The following TUSC3 variants were observed in gnomAD, a reference collection of about 807,000 sequenced individuals.
TUSC3 encodes the protein tumor suppressor candidate 3, also known as dolichyl-diphosphooligosaccharide--protein glycosyltransferase subunit TUSC3.
TUSC3 carries 45 observed loss-of-function variants against 44.8 expected under a neutral mutation model. That is an observed-to-expected ratio of 1.00 (90% confidence interval 0.79 to 1.29). TUSC3 has a LOEUF of 1.29. Ranked by LOEUF, TUSC3 falls within the 50% of genes most tolerant of loss-of-function variation. The pLI is 0.00. For synonymous variants in TUSC3, 212 were observed against 152.9 expected, an observed-to-expected ratio of 1.39 and a Z score of -2.85; for missense variants, 519 against 437.9, an observed-to-expected ratio of 1.19 and a Z score of -1.65.
chr8:15,849,548 G>C, the TUSC3 span, among the ~76,000 whole-genome samples: 4 of 152,158 alleles, frequency 2.6e-5, no homozygotes, highest in Non-Finnish European at 4.4e-5. Flanking sequence ...CCAACTTAAA[G>C]AAAGCCACCA....
At chr8:15,514,661 T>A (rs1801190385) in intron 2 of TUSC3, among the ~76,000 whole-genome samples, 1 of 152,232 alleles carries the variant, frequency 6.6e-6, no homozygotes, top group African/African-American at 2.4e-5. Flanking sequence ...CATTTGTTAA[T>A]GAAACTATCT....
At chr8:15,786,970 A>G in the TUSC3 span, among the ~76,000 whole-genome samples, 8 of 146,128 alleles carry the variant, frequency 5.5e-5, no homozygotes, top group Non-Finnish European at 1.2e-4. Flanking sequence ...AAAAAAGACT[A>G]GAGTGGCATA....
chr8:15,694,585 G>C (rs1809074472), intron 6 of TUSC3, among the ~76,000 whole-genome samples: 1 of 152,006 alleles, frequency 6.6e-6, no homozygotes, highest in South Asian at 2.1e-4. Flanking sequence ...CTTAGAAGTT[G>C]TCATCCTTTG....
chr8:15,741,580 G>A (rs1811199664), intron 7 of TUSC3, among the ~76,000 whole-genome samples: 1 of 152,062 alleles, frequency 6.6e-6, no homozygotes, highest in Admixed American at 6.5e-5. Context: ...CCAGCCACTC[G>A]AGACACTGAG....
chr8:15,559,241 T>G (rs1051221504), intron 1 of TUSC3, among the ~76,000 whole-genome samples: 1 of 141,910 alleles, frequency 7.0e-6, no homozygotes, highest in Non-Finnish European at 1.6e-5. Context: ...TCTTTATTTC[T>G]GCCTTCATTT....
intron 1 of TUSC3, among the ~76,000 whole-genome samples, chr8:15,460,191 C>G (rs747688328): frequency 1.3e-5 from 2 of 152,084 alleles, no homozygotes; most frequent in Non-Finnish European, 2.9e-5. Context: ...GCATCCACAC[C>G]AACATCTACT....
At chr8:15,763,193 G>A (rs753692808) in intron 10 of TUSC3, among the ~76,000 whole-genome samples, 2 of 151,270 alleles carry the variant, frequency 1.3e-5, no homozygotes, top group African/African-American at 2.4e-5. Context: ...ATTTATTCTT[G>A]CACATAGTAT....
intron 7 of TUSC3, among the ~76,000 whole-genome samples, chr8:15,735,879 T>TGTTTG (rs10683442): frequency 0.011 from 445 of 40,794 alleles, 5 homozygotes; most frequent in African/African-American, 0.027. Context: ...GGTTTTTTTT[T>TGTTTG]TTTGTTTTTT....
At chr8:15,779,225 A>C in the TUSC3 span, among the ~76,000 whole-genome samples, 4 of 151,810 alleles carry the variant, frequency 2.6e-5, no homozygotes, top group Non-Finnish European at 4.4e-5. Flanking sequence ...CCAACAAGGG[A>C]AACCAGGACC....
At chr8:15,485,586 C>G (rs1439608097) in intron 2 of TUSC3, among the ~76,000 whole-genome samples, 1 of 150,658 alleles carries the variant, frequency 6.6e-6, no homozygotes, top group Non-Finnish European at 1.5e-5. Context: ...GAGACAGATA[C>G]CTAATCATGG....
intron 1 of TUSC3, among the ~76,000 whole-genome samples, chr8:15,606,073 G>A (rs982056612): frequency 2.0e-5 from 3 of 151,868 alleles, no homozygotes; most frequent in Admixed American, 2.0e-4. Flanking sequence ...ACCATGGGAC[G>A]CAAACAAAAT....
intron 1 of TUSC3, among the ~76,000 whole-genome samples, chr8:15,447,787 C>G (rs1239572917): frequency 6.6e-6 from 1 of 150,528 alleles, no homozygotes; most frequent in Non-Finnish European, 1.5e-5. Context: ...TGTAAAATGT[C>G]AGAAAACTAT....
chr8:15,678,845 G>A (rs778266952), intron 6 of TUSC3, among the ~76,000 whole-genome samples: 1 of 152,074 alleles, frequency 6.6e-6, no homozygotes, highest in Non-Finnish European at 1.5e-5. Context: ...TGCACCCAAG[G>A]TTTAGCTCCC....
chr8:15,806,664 C>T, the TUSC3 span: 2 of 1,074,936 alleles, frequency 1.9e-6, no homozygotes, highest in South Asian at 2.5e-5. Flanking sequence ...ACAAGCTGCC[C>T]AGTAGGACCT....
the TUSC3 span, among the ~76,000 whole-genome samples, chr8:15,804,802 A>G: frequency 6.6e-6 from 1 of 152,040 alleles, no homozygotes; most frequent in East Asian, 1.9e-4. Flanking sequence ...TGTTTTGGCT[A>G]TGTTGATTCT....
intron 6 of TUSC3, among the ~76,000 whole-genome samples, chr8:15,721,100 CTT>C (rs1810289823): frequency 1.3e-5 from 2 of 152,028 alleles, no homozygotes; most frequent in South Asian, 4.1e-4. Flanking sequence ...ATGTTATAGA[CTT>C]TGCTTGATAA....
intron 1 of TUSC3, among the ~76,000 whole-genome samples, chr8:15,462,424 T>A (rs569596721): frequency 2.1e-4 from 32 of 152,176 alleles, no homozygotes; most frequent in African/African-American, 6.3e-4. Flanking sequence ...ATAGGTAAAC[T>A]GACACTCATA....
At chr8:15,428,981 C>T (rs1321231440) in intron 1 of TUSC3, among the ~76,000 whole-genome samples, 2 of 152,196 alleles carry the variant, frequency 1.3e-5, no homozygotes, top group East Asian at 1.9e-4. Context: ...TTAATTACAT[C>T]CCATTTGTCA....
intron 1 of TUSC3, among the ~76,000 whole-genome samples, chr8:15,617,179 G>A (rs1285575391): frequency 1.2e-4 from 12 of 98,440 alleles, no homozygotes; most frequent in African/African-American, 4.0e-4. Context: ...TTGCTCTGTC[G>A]CCCAGGTTGC....
Sources: allele counts gnomAD v4.1 joint callset (sites outside exome capture counted in the v4.1 genomes callset), GRCh38; gene constraint gnomAD v4.1.1; transcripts MANE v1.5; gene names NCBI Gene and HGNC (gene_info 2026-07-23, HGNC 2026-07-21).